Variants in PDGFD observed in about 807,000 individuals in gnomAD.
PDGFD encodes the protein platelet derived growth factor D.
Under a neutral mutation model 44.7 loss-of-function variants are expected in PDGFD, and 30 were observed. That is an observed-to-expected ratio of 0.67 (90% CI 0.50 to 0.91). The LOEUF is 0.91. PDGFD is among the 40% of genes least tolerant of loss of function. The pLI is 0.00. For missense variants in PDGFD, 445 were observed against 457.8 expected, an observed-to-expected ratio of 0.97 and a Z score of 0.25; for synonymous variants, 173 against 168.4, an observed-to-expected ratio of 1.03 and a Z score of -0.21.
intron 1 of PDGFD, among the ~76,000 whole-genome samples, chr11:104,163,483 C>T (rs914490521): frequency 6.6e-6 from 1 of 152,146 alleles, no homozygotes; most frequent in Non-Finnish European, 1.5e-5. Flanking sequence ...GCGCAGCTTG[C>T]AACTTTCGCC....
intron 1 of PDGFD, among the ~76,000 whole-genome samples, chr11:104,092,321 C>T (rs1384713239): frequency 1.3e-5 from 2 of 152,136 alleles, no homozygotes; most frequent in Non-Finnish European, 2.9e-5. Flanking sequence ...CTCATTAAAT[C>T]CTCAGAAGAA....
intron 3 of PDGFD, 26 bp downstream of exon 3, chr11:103,996,039 T>C (rs1859529716): frequency 1.3e-6 from 2 of 1,586,152 alleles, no homozygotes; most frequent in Non-Finnish European, 1.7e-6. Flanking sequence ...TGTCTGCTTT[T>C]AATCATAAAG....
intron 1 of PDGFD, chr11:104,038,078 G>C: frequency 1.4e-6 from 2 of 1,458,160 alleles, no homozygotes; most frequent in Non-Finnish European, 1.8e-6. Context: ...TAAGTTAAGA[G>C]CTTACTGGCA....
chr11:104,053,227 G>A (rs1442145100), intron 1 of PDGFD, among the ~76,000 whole-genome samples: 1 of 152,150 alleles, frequency 6.6e-6, no homozygotes, highest in Non-Finnish European at 1.5e-5. Context: ...AGTTTTTAGA[G>A]AGAATACTAA....
At chr11:103,960,488 G>A (rs1022731650) in intron 3 of PDGFD, among the ~76,000 whole-genome samples, 2 of 152,248 alleles carry the variant, frequency 1.3e-5, no homozygotes, top group South Asian at 2.1e-4. Flanking sequence ...TTCACTATTT[G>A]ACTGAGATTT....
At chr11:104,143,127 T>A (rs1420301817) in intron 1 of PDGFD, among the ~76,000 whole-genome samples, 1 of 152,082 alleles carries the variant, frequency 6.6e-6, no homozygotes, top group African/African-American at 2.4e-5. Flanking sequence ...TATGAAAAAA[T>A]TTTCTTTATT....
intron 1 of PDGFD, chr11:104,038,756 A>T (rs1328789400): frequency 1.2e-5 from 2 of 167,090 alleles, no homozygotes; most frequent in East Asian, 1.9e-4. Context: ...TAGATTTTTT[A>T]AAAAAGAAAT....
chr11:104,158,049 A>C (rs1862333057), intron 1 of PDGFD, among the ~76,000 whole-genome samples: 2 of 152,232 alleles, frequency 1.3e-5, no homozygotes, highest in Non-Finnish European at 2.9e-5. Flanking sequence ...GCCTCAGTTC[A>C]GACACCACTT....
intron 1 of PDGFD, among the ~76,000 whole-genome samples, chr11:104,030,571 T>C (rs1239508709): frequency 2.0e-5 from 3 of 152,210 alleles, no homozygotes; most frequent in African/African-American, 4.8e-5. Context: ...GAAGAAATGT[T>C]AGGATGGGAC....
At chr11:104,028,172 A>G (rs1860073809) in intron 1 of PDGFD, among the ~76,000 whole-genome samples, 1 of 145,986 alleles carries the variant, frequency 6.8e-6, no homozygotes, top group Non-Finnish European at 1.5e-5. Flanking sequence ...CCTGGGCAAC[A>G]GAGCGAGACT....
At chr11:104,104,559 AG>A (rs776594243) in intron 1 of PDGFD, among the ~76,000 whole-genome samples, 8 of 152,164 alleles carry the variant, frequency 5.3e-5, no homozygotes, top group Non-Finnish European at 7.4e-5. Context: ...GACTGCCCAC[AG>A]TATTTAGTAG....
intron 3 of PDGFD, among the ~76,000 whole-genome samples, chr11:103,989,603 A>G (rs796227266): frequency 6.6e-6 from 1 of 152,230 alleles, no homozygotes; most frequent in African/African-American, 2.4e-5. Flanking sequence ...GAAGCAAAGG[A>G]AAATTTGACA....
intron 6 of PDGFD, among the ~76,000 whole-genome samples, chr11:103,913,056 A>C (rs1427932283): frequency 1.3e-5 from 2 of 152,030 alleles, no homozygotes; most frequent in Non-Finnish European, 2.9e-5. Flanking sequence ...ATAAATAGAC[A>C]CTTTAACACC....
chr11:103,908,972 T>C lies in PDGFD; in HGVS notation c.*722A>G, dbSNP rs1455425106. 2 of 152,210 alleles carry C rather than the reference T, an allele frequency of 1.3e-5. No homozygotes were observed. Among genetic ancestry groups the C allele is most frequent in the Non-Finnish European group, 2.9e-5 (2 of 68,022 alleles). 9.4% of individuals were successfully genotyped at this position (152,210 alleles called of 1,614,324 possible). A position where few individuals can be genotyped will look rare whatever the true frequency, so the allele number is the denominator to read the frequency against. On this transcript the variant is annotated 3_prime_UTR_variant, in exon 7 of 7. Transcript: ENST00000393158. ...GTTTTTGAGATAGGTGTTAAATGAA[T>C]AAGCATGCCTCAGCAAAATGCATAA...
At chr11:104,119,759 T>A (rs1304812854) in intron 1 of PDGFD, among the ~76,000 whole-genome samples, 9 of 109,800 alleles carry the variant, frequency 8.2e-5, no homozygotes, top group African/African-American at 3.4e-4. Context: ...TATATTTATA[T>A]ATAATATATG....
intron 1 of PDGFD, among the ~76,000 whole-genome samples, chr11:104,118,884 T>A (rs1213736404): frequency 1.0e-5 from 1 of 95,778 alleles, no homozygotes; most frequent in African/African-American, 4.2e-5. Context: ...TATACATATA[T>A]ATTATTATGT....
chr11:104,081,423 TG>T (rs2134429177), intron 1 of PDGFD, among the ~76,000 whole-genome samples: 1 of 152,304 alleles, frequency 6.6e-6, no homozygotes, highest in African/African-American at 2.4e-5. Flanking sequence ...AAATATTTTC[TG>T]AATCATCTTT....
At chr11:104,071,132 T>C (rs1860868914) in intron 1 of PDGFD, among the ~76,000 whole-genome samples, 2 of 151,966 alleles carry the variant, frequency 1.3e-5, no homozygotes, top group African/African-American at 4.8e-5. Flanking sequence ...CCCACTTACA[T>C]AAATTTTAAG....
chr11:103,909,569 C>A lies in PDGFD; in HGVS notation c.*125G>T, dbSNP rs1363090766. The A allele has an allele frequency of 1.4e-5, 18 of 1,252,498 alleles. No homozygotes were observed. The highest frequency in any genetic ancestry group is 1.7e-5 in the Non-Finnish European group (15 of 882,990). The allele number at this position is 1,252,498 out of a possible 1,614,324, so 77.6% of individuals were successfully genotyped here. On this transcript the variant is annotated 3_prime_UTR_variant, in exon 7 of 7. Coordinates refer to ENST00000393158, the MANE Select transcript of PDGFD (RefSeq NM_025208.5). ...ACAAAGCAAGGCTGAGACTCAGCAA[C>A]CACTTGTGTTCATTGCATTGCAGGC...
Sources: gnomAD v4.1 joint callset for allele counts (sites outside exome capture counted in the v4.1 genomes callset) on GRCh38, gnomAD v4.1.1 for gene constraint, MANE v1.5 for transcripts, NCBI Gene and HGNC (gene_info 2026-07-23, HGNC 2026-07-21) for gene names.